Variants in DYNC1I1 observed in about 807,000 individuals in gnomAD.
DYNC1I1 encodes cytoplasmic dynein 1 intermediate chain 1.
A neutral mutation model predicts 86.6 loss-of-function variants in DYNC1I1; 43 were observed. The ratio of observed to expected loss-of-function variants is 0.50; its 90% CI spans 0.39 to 0.64. The LOEUF (loss-of-function observed/expected upper bound fraction) is 0.64, where lower values mean the gene tolerates loss of function less well. DYNC1I1 is among the 30% of genes least tolerant of loss of function. DYNC1I1 has a pLI of 0.00. For synonymous variants in DYNC1I1, 262 were observed against 283.7 expected (o/e 0.92, Z 0.77); for missense variants, 604 against 788.8 (o/e 0.77, Z 2.81).
chr7:95,862,055 A>G (rs1421046350), intron 5 of DYNC1I1, among the ~76,000 whole-genome samples: 1 of 152,218 alleles, frequency 6.6e-6, no homozygotes, highest in Non-Finnish European at 1.5e-5. Flanking sequence ...AACTCAAAAT[A>G]GAACACAGAC....
intron 5 of DYNC1I1, among the ~76,000 whole-genome samples, chr7:95,847,986 T>C (rs1186209912): frequency 1.3e-5 from 2 of 152,168 alleles, no homozygotes; most frequent in Non-Finnish European, 2.9e-5. Context: ...TTTGACTTTA[T>C]TTTTTAATTT....
intron 16 of DYNC1I1, among the ~76,000 whole-genome samples, chr7:96,096,131 A>G (rs1396766507): frequency 6.6e-6 from 1 of 152,070 alleles, no homozygotes; most frequent in Non-Finnish European, 1.5e-5. Context: ...ATACCAGAAC[A>G]CTAATTTAAG....
chr7:95,872,538 A>G (rs1469655069), intron 6 of DYNC1I1, among the ~76,000 whole-genome samples: 1 of 152,200 alleles, frequency 6.6e-6, no homozygotes, highest in Non-Finnish European at 1.5e-5. Flanking sequence ...AAGCTTAAGC[A>G]TCCTTTCTGT....
chr7:95,781,615 A>G (rs768459868), intron 1 of DYNC1I1, among the ~76,000 whole-genome samples: 39 of 152,198 alleles, frequency 2.6e-4, no homozygotes, highest in Non-Finnish European at 5.4e-4. Context: ...TACTGGAAAC[A>G]TCACCCTATA....
intron 3 of DYNC1I1, among the ~76,000 whole-genome samples, chr7:95,812,412 T>C (rs1273109518): frequency 6.6e-6 from 1 of 152,164 alleles, no homozygotes; most frequent in Admixed American, 6.5e-5. Flanking sequence ...AAAAATTGCA[T>C]TGGCTTTAGC....
At chr7:96,037,371 G>T (rs61093529) in intron 13 of DYNC1I1, among the ~76,000 whole-genome samples, 5,389 of 152,292 alleles carry the variant, frequency 0.035, 301 homozygotes, top group African/African-American at 0.12. Context: ...TGCAAGGCCT[G>T]CAGACGTCAT....
intron 5 of DYNC1I1, among the ~76,000 whole-genome samples, chr7:95,830,536 A>G (rs1156598158): frequency 6.6e-6 from 1 of 152,184 alleles, no homozygotes; most frequent in Non-Finnish European, 1.5e-5. Flanking sequence ...TTAAGTTTAT[A>G]TAAACAGCTC....
intron 6 of DYNC1I1, among the ~76,000 whole-genome samples, chr7:95,900,631 T>C (rs977524999): frequency 1.3e-5 from 2 of 152,130 alleles, no homozygotes; most frequent in South Asian, 4.1e-4. Flanking sequence ...TTTTGAATAA[T>C]ATCAGTTAGG....
At chr7:96,109,319 C>T (rs1355177753) in intron 16 of DYNC1I1, among the ~76,000 whole-genome samples, 3 of 151,408 alleles carry the variant, frequency 2.0e-5, no homozygotes, top group Middle Eastern at 3.4e-3. Context: ...CCCATTAACT[C>T]GTCTTTTAGC....
intron 6 of DYNC1I1, among the ~76,000 whole-genome samples, chr7:95,958,522 C>G (rs954380950): frequency 6.6e-6 from 1 of 151,892 alleles, no homozygotes; most frequent in Non-Finnish European, 1.5e-5. Flanking sequence ...GGTCATGCCA[C>G]TATACTCTGG....
intron 16 of DYNC1I1, among the ~76,000 whole-genome samples, chr7:96,105,662 TG>T (rs1321824413): frequency 6.6e-6 from 1 of 152,208 alleles, no homozygotes; most frequent in Non-Finnish European, 1.5e-5. Context: ...TATGCTCACA[TG>T]AGGAGTTGGG....
At chr7:95,989,610 G>A (rs1793680411) in intron 9 of DYNC1I1, among the ~76,000 whole-genome samples, 2 of 152,178 alleles carry the variant, frequency 1.3e-5, no homozygotes, top group South Asian at 4.1e-4. Context: ...GTCCCGCCTT[G>A]CCTCAGTAGG....
intron 6 of DYNC1I1, among the ~76,000 whole-genome samples, chr7:95,927,656 A>G (rs1204066791): frequency 6.6e-6 from 1 of 152,148 alleles, no homozygotes; most frequent in African/African-American, 2.4e-5. Flanking sequence ...AACATGAAAC[A>G]TTAACAATAG....
rs374032937 is a variant in DYNC1I1, at chr7:96,080,408, C to T, written c.1696C>T (p.Arg566Cys). The T allele has an allele frequency of 9.9e-6, 16 of 1,613,804 alleles. No individual in the cohort carries two copies. Among genetic ancestry groups the T allele is most frequent in the African/African-American group, 6.7e-5 (5 of 74,924 alleles). ...VAIEGASALN[R>C]VRWAQAGKEV... ...CATTGAGGGGGCATCCGCCCTAAAC[C>T]GTGTTCGTTGGGCCCAAGCTGGCAA... The change falls in exon 16 of 17, where the codon CGT (arginine) becomes TGT (cysteine). Residue 566 changes from arginine (R) to cysteine (C), a missense_variant. By Grantham distance (180) the Arg-to-Cys change is radical. Coordinates refer to ENST00000447467, the MANE Select transcript of DYNC1I1 (RefSeq NM_001135556.2).
intron 14 of DYNC1I1, among the ~76,000 whole-genome samples, chr7:96,062,927 T>C (rs894004528): frequency 6.6e-6 from 1 of 152,072 alleles, no homozygotes; most frequent in Non-Finnish European, 1.5e-5. Context: ...TCAAGCTGAG[T>C]TGTGTCCCTG....
chr7:95,801,235 C>CT (rs1269477640), intron 1 of DYNC1I1, among the ~76,000 whole-genome samples: 1 of 150,264 alleles, frequency 6.7e-6, no homozygotes, highest in Non-Finnish European at 1.5e-5. Context: ...CTAATATAAT[C>CT]TTTTTTTAAG....
At chr7:95,983,182 T>A (rs1793498037) in intron 7 of DYNC1I1, among the ~76,000 whole-genome samples, 1 of 152,150 alleles carries the variant, frequency 6.6e-6, no homozygotes. Context: ...ATTGTCTGAT[T>A]CAGCATTTCA....
chr7:95,890,792 A>G (rs1223998001), intron 6 of DYNC1I1, among the ~76,000 whole-genome samples: 2 of 152,170 alleles, frequency 1.3e-5, no homozygotes, highest in East Asian at 3.8e-4. Context: ...TAAAATCTGC[A>G]TTTCGAACAG....
At position 96,076,294 on chromosome 7, in the gene DYNC1I1, G is replaced by A. The variant is rs913498061; in HGVS notation, c.1650+97G>A. 9 of 1,507,548 alleles carry A rather than the reference G, an allele frequency of 6.0e-6. No homozygotes were observed. The East Asian group carries it at 9.5e-5, about 16-fold the overall frequency. 93.4% of individuals were successfully genotyped at this position (1,507,548 alleles called of 1,614,324 possible). A position where few individuals can be genotyped will look rare whatever the true frequency, so the allele number is the denominator to read the frequency against. ...CTCTTTCTCCAAAACGGCCTTTTTT[G>A]GACAGACCTTCCAACTGCAGCAGGG... On this transcript the variant is annotated intron_variant, in intron 15 of 16. Coordinates refer to ENST00000447467, the MANE Select transcript of DYNC1I1 (RefSeq NM_001135556.2).
Sources: allele counts gnomAD v4.1 joint callset (sites outside exome capture counted in the v4.1 genomes callset), GRCh38; gene constraint gnomAD v4.1.1; transcripts MANE v1.5; gene names NCBI Gene and HGNC (gene_info 2026-07-23, HGNC 2026-07-21).